ASIC2: variants seen among roughly 807,000 people sequenced by gnomAD.
The protein encoded by ASIC2 is acid-sensing ion channel 2.
ASIC2 carries 25 observed loss-of-function variants against 57.3 expected under a neutral mutation model. That is an observed-to-expected ratio of 0.44 (90% CI 0.32 to 0.61). The LOEUF (loss-of-function observed/expected upper bound fraction) is 0.61, where lower values mean the gene tolerates loss of function less well. Ranked by LOEUF, ASIC2 falls within the 20% of genes least tolerant of loss-of-function variation. The pLI is 0.06. For missense variants in ASIC2, 641 were observed against 738.1 expected (o/e 0.87, Z 1.52); for synonymous variants, 319 against 307.5 (o/e 1.04, Z -0.39).
intron 3 of ASIC2, among the ~76,000 whole-genome samples, chr17:33,088,189 G>C (rs1437901962): frequency 1.3e-5 from 2 of 152,222 alleles, no homozygotes; most frequent in Non-Finnish European, 2.9e-5. Context: ...GTATTCAGGA[G>C]ATAAAAGAAA....
intron 1 of ASIC2, among the ~76,000 whole-genome samples, chr17:33,819,567 G>A (rs1031285423): frequency 1.3e-5 from 2 of 152,322 alleles, no homozygotes; most frequent in East Asian, 1.9e-4. Flanking sequence ...TTCTTTTAAC[G>A]TGGCCATAAC....
At chr17:33,401,282 G>A (rs767862615) in intron 1 of ASIC2, among the ~76,000 whole-genome samples, 7 of 152,234 alleles carry the variant, frequency 4.6e-5, no homozygotes, top group African/African-American at 1.7e-4. Flanking sequence ...CACTACCAAT[G>A]TGTGCTTCGC....
intron 1 of ASIC2, among the ~76,000 whole-genome samples, chr17:33,690,068 T>C (rs748205897): frequency 6.6e-6 from 1 of 152,236 alleles, no homozygotes; most frequent in Admixed American, 6.5e-5. Flanking sequence ...ACTAACTCTC[T>C]CTGCAAATAG....
At chr17:34,115,514 T>C (rs544933689) in intron 1 of ASIC2, among the ~76,000 whole-genome samples, 1 of 152,328 alleles carries the variant, frequency 6.6e-6, no homozygotes, top group African/African-American at 2.4e-5. Context: ...TCAACAGATG[T>C]TGAAGAGATG....
chr17:33,331,592 A>G (rs1907313361), intron 1 of ASIC2, among the ~76,000 whole-genome samples: 1 of 152,212 alleles, frequency 6.6e-6, no homozygotes, highest in African/African-American at 2.4e-5. Context: ...TTGGGCCTGC[A>G]CTTCTGCACA....
In ASIC2 at chr17:33,023,958, T is replaced by A; in HGVS notation, c.1252A>T (p.Thr418Ser). 1 of 1,614,086 alleles carries A rather than the reference T, an allele frequency of 6.2e-7. No homozygotes were observed. The highest frequency in any genetic ancestry group is 8.5e-7 in the Non-Finnish European group (1 of 1,180,008). The change falls in exon 6 of 10, where the codon ACC (threonine) becomes TCC (serine). Residue 418 changes from threonine to serine, a missense_variant. Thr to Ser is a moderately conservative substitution (Grantham distance 58). Around this residue, in one of 3 missense-constraint regions of ASIC2, gnomAD observed 252 missense variants for 319.8 expected, o/e 0.79. Transcript: ENST00000225823. ...ATGGAGAGCTCTTTGTTGTAGCGGGTTAGGTTGCAGGGTGTCCTGCAGAGA... is the reference window on the plus strand; with the variant it reads ...ATGGAGAGCTCTTTGTTGTAGCGGGATAGGTTGCAGGGTGTCCTGCAGAGA... Reference protein sequence around the residue: ...YCLCRTPCNLTRYNKELSMVK... With the variant: ...YCLCRTPCNLSRYNKELSMVK...
At chr17:33,787,152 G>T (rs908682263) in intron 1 of ASIC2, among the ~76,000 whole-genome samples, 1 of 152,236 alleles carries the variant, frequency 6.6e-6, no homozygotes, top group Non-Finnish European at 1.5e-5. Context: ...ACAAAAGGCA[G>T]TTTCTCCTTT....
chr17:33,461,861 C>G (rs760535341), intron 1 of ASIC2, among the ~76,000 whole-genome samples: 78 of 152,146 alleles, frequency 5.1e-4, no homozygotes, highest in Non-Finnish European at 7.4e-5. Flanking sequence ...TGAGGCTGTA[C>G]CAGGTATGCC....
chr17:33,482,142 C>A (rs1237168122), intron 1 of ASIC2, among the ~76,000 whole-genome samples: 1 of 152,214 alleles, frequency 6.6e-6, no homozygotes, highest in African/African-American at 2.4e-5. Context: ...GATCATGTCA[C>A]CCACCTTGAA....
At chr17:33,469,132 A>G (rs901563720) in intron 1 of ASIC2, among the ~76,000 whole-genome samples, 5 of 152,192 alleles carry the variant, frequency 3.3e-5, no homozygotes, top group African/African-American at 4.8e-5. Context: ...TGGGTAAGAC[A>G]TGGTGGAAGG....
intron 1 of ASIC2, among the ~76,000 whole-genome samples, chr17:33,262,104 T>C (rs1909307784): frequency 1.3e-5 from 2 of 152,200 alleles, no homozygotes; most frequent in South Asian, 2.1e-4. Context: ...CTCGGCGCCA[T>C]GTAGGCTCCA....
chr17:33,329,000 C>A (rs916531553), intron 1 of ASIC2, among the ~76,000 whole-genome samples: 1 of 152,128 alleles, frequency 6.6e-6, no homozygotes, highest in Admixed American at 6.6e-5. Flanking sequence ...CTGGGTGGAA[C>A]CTTGGCTGAC....
intron 1 of ASIC2, among the ~76,000 whole-genome samples, chr17:33,340,436 T>C (rs1907678867): frequency 6.6e-6 from 1 of 152,050 alleles, no homozygotes; most frequent in Non-Finnish European, 1.5e-5. Flanking sequence ...TACTGCTCTC[T>C]TTTTTTTCTA....
At chr17:33,361,063 T>A (rs1376043495) in intron 1 of ASIC2, among the ~76,000 whole-genome samples, 1 of 152,204 alleles carries the variant, frequency 6.6e-6, no homozygotes, top group African/African-American at 2.4e-5. Flanking sequence ...CCTGGAACCC[T>A]TGTTGGTCTT....
intron 1 of ASIC2, among the ~76,000 whole-genome samples, chr17:33,838,341 A>G (rs1420361284): frequency 1.3e-5 from 2 of 152,170 alleles, no homozygotes; most frequent in African/African-American, 4.8e-5. Context: ...GTTCGAGAGT[A>G]TTGGTCCTGC....
At chr17:33,836,843 A>C (rs1339819592) in intron 1 of ASIC2, among the ~76,000 whole-genome samples, 1 of 152,082 alleles carries the variant, frequency 6.6e-6, no homozygotes, top group Admixed American at 6.5e-5. Flanking sequence ...ACAGAGCAAG[A>C]CTCCGTCTCA....
rs183014239 is a variant in ASIC2 at position 33,465,223 on chromosome 17, G to C, written c.556-353156C>G. Among the ~76,000 whole-genome samples, 1,150 of 152,258 alleles carry C rather than the reference G, an allele frequency of 7.6e-3. 10 individuals carry two copies. The highest frequency in any genetic ancestry group is 0.011 in the Non-Finnish European group (776 of 68,022). On this transcript the variant is annotated intron_variant, in intron 1 of 9. Coordinates refer to the ASIC2 transcript ENST00000359872. The stretch of plus-strand genomic sequence containing the variant: ...GTTAGAGCAATAATACACCAGGCTG[G>C]TTTCTAATGCTTTCCTCCAAATGCT...
At chr17:34,113,499 T>G (rs1911338147) in intron 1 of ASIC2, among the ~76,000 whole-genome samples, 1 of 151,856 alleles carries the variant, frequency 6.6e-6, no homozygotes, top group Admixed American at 6.6e-5. Flanking sequence ...AAATCATGGT[T>G]GCAGTGAGCT....
At chr17:34,039,904 C>G in intron 1 of ASIC2, 1 of 1,565,240 alleles carries the variant, frequency 6.4e-7, no homozygotes, top group Non-Finnish European at 8.8e-7. Flanking sequence ...TGCCGCTCCA[C>G]GCTCCTCCCT....
Sources: allele counts gnomAD v4.1 joint callset (sites outside exome capture counted in the v4.1 genomes callset), GRCh38; gene constraint gnomAD v4.1.1; regional missense constraint gnomAD v4.1.1; transcripts MANE v1.5; gene names NCBI Gene and HGNC (gene_info 2026-07-23, HGNC 2026-07-21).